The following DLG1 variants were observed in gnomAD, a reference collection of about 807,000 sequenced individuals.
DLG1 encodes the protein discs large MAGUK scaffold protein 1, also known as disks large homolog 1.
In DLG1, 42 loss-of-function variants were observed where a neutral mutation model predicts 123.4. The ratio of observed to expected loss-of-function variants is 0.34; its 90% CI spans 0.27 to 0.44. The LOEUF (loss-of-function observed/expected upper bound fraction) is 0.44. Ranked by LOEUF, DLG1 falls within the 20% of genes least tolerant of loss-of-function variation. DLG1 has a pLI of 1.00. For synonymous variants in DLG1, 317 were observed against 356.2 expected (o/e 0.89, Z 1.24); for missense variants, 942 against 1,082.6 (o/e 0.87, Z 1.82).
intron 18 of DLG1, among the ~76,000 whole-genome samples, chr3:197,072,090 C>A (rs911221396): frequency 6.6e-6 from 1 of 152,122 alleles, no homozygotes; most frequent in African/African-American, 2.4e-5. Flanking sequence ...TTCCCCATGT[C>A]ATTATCTTTA....
chr3:197,272,353 G>GA lies in DLG1; in HGVS notation c.318+10325dup, dbSNP rs139031522. 6.8e-3 allele frequency among the ~76,000 whole-genome samples: 927 copies of GA among 135,916 alleles called. 9 individuals are homozygous for GA. Among genetic ancestry groups the GA allele is most frequent in the Middle Eastern group, 0.011 (3 of 274 alleles). The allele number at this position is 135,916 out of a possible 152,430, so 89.2% of individuals were successfully genotyped here. ...AGAACAAAGCAAGACCTCCTCTAAG[G>GA]AAAAAAAAAAGAAAAAAAAAAGCAT... is the stretch of plus-strand genomic sequence containing the variant. On this transcript the variant is annotated intron_variant, in intron 4 of 24. Coordinates refer to ENST00000667157, the MANE Select transcript of DLG1 (RefSeq NM_001366207.1).
intron 3 of DLG1, among the ~76,000 whole-genome samples, chr3:197,285,174 G>A (rs1356858055): frequency 6.6e-6 from 1 of 152,036 alleles, no homozygotes; most frequent in East Asian, 1.9e-4. Flanking sequence ...TGGGAGTAAA[G>A]GGAAAGTGCA....
intron 4 of DLG1, among the ~76,000 whole-genome samples, chr3:197,271,237 C>T (rs1293102676): frequency 6.6e-6 from 1 of 152,178 alleles, no homozygotes; most frequent in East Asian, 1.9e-4. Context: ...CCTACACTGA[C>T]AAATCCACAA....
chr3:197,216,250 C>CT (rs531826039), intron 4 of DLG1, among the ~76,000 whole-genome samples: 26 of 151,976 alleles, frequency 1.7e-4, no homozygotes, highest in Non-Finnish European at 2.9e-4. Context: ...TAAGTCTCTC[C>CT]TTTTTTTTAC....
At chr3:197,174,302 A>G (rs185466551) in intron 5 of DLG1, among the ~76,000 whole-genome samples, 2 of 152,318 alleles carry the variant, frequency 1.3e-5, no homozygotes, top group East Asian at 3.9e-4. Context: ...TCTACAATAA[A>G]AATAAGCCAA....
chr3:197,102,179 G>A (rs1053346165), intron 14 of DLG1, among the ~76,000 whole-genome samples: 1 of 152,146 alleles, frequency 6.6e-6, no homozygotes, highest in African/African-American at 2.4e-5. Context: ...CATATGTCTT[G>A]TAGAGATTAT....
intron 4 of DLG1, among the ~76,000 whole-genome samples, chr3:197,201,522 CT>C (rs1454399055): frequency 6.6e-6 from 1 of 152,194 alleles, no homozygotes; most frequent in African/African-American, 2.4e-5. Flanking sequence ...CAATAATGAT[CT>C]GGCCAAACAC....
At chr3:197,253,363 C>T (rs533047639) in intron 4 of DLG1, among the ~76,000 whole-genome samples, 1 of 152,192 alleles carries the variant, frequency 6.6e-6, no homozygotes, top group South Asian at 2.1e-4. Context: ...GGCTACACAT[C>T]GATGACAATG....
At chr3:197,288,860 T>C (rs1371733841) in intron 3 of DLG1, among the ~76,000 whole-genome samples, 3 of 151,676 alleles carry the variant, frequency 2.0e-5, no homozygotes, top group Non-Finnish European at 2.9e-5. Context: ...AGAGAAATCA[T>C]ACTATTCACA....
chr3:197,114,304 T>G (rs1771794056), intron 13 of DLG1, among the ~76,000 whole-genome samples: 1 of 152,182 alleles, frequency 6.6e-6, no homozygotes, highest in African/African-American at 2.4e-5. Context: ...TTTCACATTT[T>G]AGTGAAACTG....
chr3:197,270,621 A>G (rs1048436900), intron 4 of DLG1, among the ~76,000 whole-genome samples: 1 of 152,052 alleles, frequency 6.6e-6, no homozygotes, highest in Non-Finnish European at 1.5e-5. Flanking sequence ...ATGATCACCA[A>G]TGGGGGGAAA....
rs184926388 is a variant in DLG1 at position 197,047,739 on chromosome 3, G to A, written c.2576-3010C>T. Among the ~76,000 whole-genome samples, 18 of 151,836 alleles carry A rather than the reference G, an allele frequency of 1.2e-4. No homozygotes were observed. The East Asian group carries it at 2.7e-3, about 23-fold the overall frequency. On this transcript the variant is annotated intron_variant, in intron 24 of 24. Coordinates refer to ENST00000667157, the MANE Select transcript of DLG1 (RefSeq NM_001366207.1). ...TCTGGATATCCACATGCAAGAGAAC[G>A]AAACTAAACCCTTATCTTATACAAA...
At chr3:197,253,858 T>C (rs1323552280) in intron 4 of DLG1, among the ~76,000 whole-genome samples, 1 of 152,094 alleles carries the variant, frequency 6.6e-6, no homozygotes, top group African/African-American at 2.4e-5. Flanking sequence ...ATGTGATTTC[T>C]GCATTATTAT....
intron 4 of DLG1, among the ~76,000 whole-genome samples, chr3:197,241,918 G>A (rs545901578): frequency 2.9e-4 from 44 of 152,054 alleles, no homozygotes; most frequent in African/African-American, 2.4e-4. Context: ...GAAGAGTTAC[G>A]AAACAATCAG....
chr3:197,053,335 A>C (rs1199821943), intron 23 of DLG1, among the ~76,000 whole-genome samples: 1 of 152,218 alleles, frequency 6.6e-6, no homozygotes, highest in Admixed American at 6.5e-5. Context: ...TTTCAGTTTT[A>C]ATTTATCTGG....
chr3:197,171,877 C>A (rs1804362129), intron 5 of DLG1, among the ~76,000 whole-genome samples: 1 of 152,040 alleles, frequency 6.6e-6, no homozygotes, highest in African/African-American at 2.4e-5. Context: ...ATAAGCAAAA[C>A]CACAGACTTC....
At chr3:197,075,198 GTAACTAGCTAGAAAATTAAA>G (rs1251272560) in intron 18 of DLG1, among the ~76,000 whole-genome samples, 2 of 150,354 alleles carry the variant, frequency 1.3e-5, no homozygotes, top group Non-Finnish European at 3.0e-5. Flanking sequence ...TGAAGATTAA[GTAACTAGCTAGAAAATTAAA>G]CAAGAACAGC....
rs550628148 is a variant in DLG1 at position 197,086,580 on chromosome 3, T to C, written c.1662-824A>G. Among the ~76,000 whole-genome samples the C allele has an allele frequency of 2.0e-3, 311 of 152,280 alleles. 1 individual carries two copies. Among genetic ancestry groups the C allele is most frequent in the African/African-American group, 7.0e-3 (293 of 41,564 alleles). Reference sequence around the variant, plus strand: ...GTAATCTTTTTCACACTACCCAACATTTAAGAACCTAGCTCTTCAAGTAAA... The same window carrying C: ...GTAATCTTTTTCACACTACCCAACACTTAAGAACCTAGCTCTTCAAGTAAA... On this transcript the variant is annotated intron_variant, in intron 15 of 24. Coordinates refer to ENST00000667157, the MANE Select transcript of DLG1 (RefSeq NM_001366207.1).
intron 5 of DLG1, among the ~76,000 whole-genome samples, chr3:197,190,771 G>A (rs1256408209): frequency 6.6e-6 from 1 of 152,222 alleles, no homozygotes; most frequent in African/African-American, 2.4e-5. Flanking sequence ...AGCACTGTGG[G>A]AGGCCGAGGC....
Sources: gnomAD v4.1 joint callset for allele counts (sites outside exome capture counted in the v4.1 genomes callset) on GRCh38, gnomAD v4.1.1 for gene constraint, MANE v1.5 for transcripts, NCBI Gene and HGNC (gene_info 2026-07-23, HGNC 2026-07-21) for gene names.